RER1: variants seen among roughly 807,000 people sequenced by gnomAD.
The protein encoded by RER1 is protein RER1.
In RER1, 6 loss-of-function variants were observed where a neutral mutation model predicts 28.3. That is an observed-to-expected ratio of 0.21 (90% CI 0.12 to 0.42). RER1 has a LOEUF of 0.42. Among genes scored for constraint, RER1 ranks in the 10% least tolerant of loss-of-function variants. RER1 has a pLI of 1.00. For missense variants in RER1, 159 were observed against 252.9 expected (o/e 0.63, Z 2.52); for synonymous variants, 110 against 95.9 (o/e 1.15, Z -0.86).
intron 5 of RER1, chr1:2,401,869 C>T: frequency 1.5e-6 from 1 of 674,684 alleles, no homozygotes; most frequent in Non-Finnish European, 2.5e-6. Flanking sequence ...CCTGGATGGT[C>T]CACAAGACAC....
In RER1 at chr1:2,403,128, C is replaced by T. The variant is rs77184759; in HGVS notation, c.*4C>T. 2.7e-5 allele frequency: 44 copies of T among 1,611,810 alleles called. No individual in the cohort carries two copies. The African/African-American group carries it at 5.1e-4, about 19-fold the overall frequency. ...CGGCAAGGCCTTCGCCAGCTAGAAG[C>T]GGGACTGAGGCTGCCTCACGTGTTG... On this transcript the variant is annotated 3_prime_UTR_variant, in exon 7 of 7. Transcript: ENST00000605895.
rs562186385 is a variant in RER1 at position 2,399,060 on chromosome 1, C to T, written c.187-355C>T. 6.6e-5 allele frequency among the ~76,000 whole-genome samples: 10 copies of T among 152,292 alleles called. No homozygotes were observed. In the South Asian group the frequency reaches 2.1e-3, roughly 32 times the overall value. ...CGCTCAGGTGCCCGGGCCACCCGAGCCTGTGGTGTAGCTTGAGCATGTGCT... is the reference window on the plus strand; with the variant it reads ...CGCTCAGGTGCCCGGGCCACCCGAGTCTGTGGTGTAGCTTGAGCATGTGCT... On this transcript the variant is annotated intron_variant, in intron 3 of 6. Transcript: ENST00000605895.
At chr1:2,402,750 C>T (rs917695008) in intron 6 of RER1, among the ~76,000 whole-genome samples, 9 of 152,162 alleles carry the variant, frequency 5.9e-5, no homozygotes, top group Non-Finnish European at 1.2e-4. Context: ...ACTCTGTGCC[C>T]GGGGTGTTGG....
chr1:2,402,916 C>T (rs568690217), intron 6 of RER1, 119 bp from the exon 7 acceptor site: 15 of 789,968 alleles, frequency 1.9e-5, no homozygotes, highest in South Asian at 1.0e-4. Context: ...ACTGGGGCTC[C>T]GATTCCACTT....
rs72924936 is a variant in RER1, at chr1:2,404,303, C to T, written c.*1179C>T. ...CACGTTCAAGCTTGTGTGTCCCTGA[C>T]CCAAGATAGCCAGTGCTGCTCCCAG... On this transcript the variant is annotated 3_prime_UTR_variant, in exon 7 of 7. Coordinates refer to ENST00000605895, the MANE Select transcript of RER1 (RefSeq NM_007033.5). 1.3e-5 allele frequency: 2 copies of T among 152,392 alleles called. No homozygotes were observed. The highest frequency in any genetic ancestry group is 4.8e-5 in the African/African-American group (2 of 41,590). The allele number at this position is 152,392 out of a possible 1,614,324, so 9.4% of individuals were successfully genotyped here.
rs573515924 is a variant in RER1 at position 2,397,027 on chromosome 1, G to A, written c.82-89G>A. The A allele has an allele frequency of 7.5e-6, 6 of 797,034 alleles. No homozygotes were observed. In the East Asian group the frequency reaches 1.5e-4, roughly 20 times the overall value. The allele number at this position is 797,034 out of a possible 1,614,324, so 49.4% of individuals were successfully genotyped here. On this transcript the variant is annotated intron_variant, in intron 2 of 6. Transcript: ENST00000605895. Reference sequence around the variant, plus strand: ...CTTTTAGCTGTTTTAAAAATTGAAAGCCAACCCTAGCAGAAGGTACATTTT... The same window carrying A: ...CTTTTAGCTGTTTTAAAAATTGAAAACCAACCCTAGCAGAAGGTACATTTT...
chr1:2,404,859 T>C lies in RER1; in HGVS notation c.*1735T>C, dbSNP rs1295911248. The C allele has an allele frequency of 6.6e-6, 1 of 152,612 alleles. No individual in the cohort carries two copies. Among genetic ancestry groups the C allele is most frequent in the Non-Finnish European group, 1.5e-5 (1 of 68,066 alleles). 9.5% of individuals were successfully genotyped at this position (152,612 alleles called of 1,614,324 possible). ...TTTATTAAAGATGCCTACGGTGAAC[T>C]CTCTGGCGCAGGTTAAATGCAGTTT... On this transcript the variant is annotated 3_prime_UTR_variant, in exon 7 of 7. Transcript: ENST00000605895.
chr1:2,397,061 G>T (rs1455971751), intron 2 of RER1, 55 bp from the exon 3 acceptor site: 2 of 1,177,852 alleles, frequency 1.7e-6, no homozygotes, highest in African/African-American at 3.0e-5. Flanking sequence ...TTGTGGCAGG[G>T]TCAGTACAGA....
intron 1 of RER1, chr1:2,394,576 G>C (rs1642740248): frequency 1.3e-5 from 2 of 152,244 alleles, no homozygotes. Flanking sequence ...ATCTGTAAAT[G>C]AGAACAATAA....
chr1:2,399,202 C>T (rs1016290281), intron 3 of RER1, among the ~76,000 whole-genome samples: 1 of 152,210 alleles, frequency 6.6e-6, no homozygotes, highest in Non-Finnish European at 1.5e-5. Flanking sequence ...CTTGCTTGTC[C>T]GCTTTGTCTC....
chr1:2,401,901 C>G (rs1031245200), intron 5 of RER1: 4 of 859,204 alleles, frequency 4.7e-6, no homozygotes, highest in African/African-American at 1.7e-5. Flanking sequence ...CTCTCCAGAT[C>G]GCAGGCCCAG....
rs904646369 is a variant in RER1 at position 2,403,278 on chromosome 1, C to G, written c.*154C>G. The G allele has an allele frequency of 8.2e-6, 5 of 610,042 alleles. No homozygotes were observed. Among genetic ancestry groups the G allele is most frequent in the Non-Finnish European group, 1.5e-5 (5 of 338,812 alleles). 37.8% of individuals were successfully genotyped at this position (610,042 alleles called of 1,614,324 possible). Reference sequence around the variant, plus strand: ...TGATTTGTAACTGAAATATCAGGTTCTAGAAGAAACTGGCGCTTAAACCAA... The same window carrying G: ...TGATTTGTAACTGAAATATCAGGTTGTAGAAGAAACTGGCGCTTAAACCAA... On this transcript the variant is annotated 3_prime_UTR_variant, in exon 7 of 7. Coordinates refer to ENST00000605895, the MANE Select transcript of RER1 (RefSeq NM_007033.5).
chr1:2,396,516 T>C (rs1642769646), intron 2 of RER1: 1 of 152,384 alleles, frequency 6.6e-6, no homozygotes, highest in Non-Finnish European at 1.5e-5. Flanking sequence ...TTTTGTGAAT[T>C]TGGAAATTTC....
intron 5 of RER1, among the ~76,000 whole-genome samples, chr1:2,401,246 CCCTCCTTCCTCCCT>C (rs1642846595): frequency 1.2e-5 from 1 of 83,130 alleles, no homozygotes; most frequent in South Asian, 4.7e-4. Flanking sequence ...CCTCCTTCCT[CCCTCCTTCCTCCCT>C]CCTCCACCCT....
chr1:2,397,621 G>T (rs1642787894), intron 3 of RER1, among the ~76,000 whole-genome samples: 1 of 152,216 alleles, frequency 6.6e-6, no homozygotes, highest in Non-Finnish European at 1.5e-5. Context: ...GGCGTCCAAA[G>T]GGTTTATGTA....
intron 4 of RER1, 73 bp from the exon 5 acceptor site, chr1:2,400,784 C>A: frequency 7.8e-7 from 1 of 1,281,268 alleles, no homozygotes; most frequent in Non-Finnish European, 1.1e-6. Context: ...AGTCCAAAGC[C>A]TTGAGGGGAA....
Position 2,395,837 on chromosome 1 carries a change from C to T in RER1, c.47C>T (p.Ser16Leu), listed in dbSNP as rs746542852. The change falls in exon 2 of 7, where the codon TCG becomes TTG. Residue 16 changes from serine (S) to leucine (L), a missense_variant. Ser to Leu is a moderately radical substitution (Grantham distance 145, BLOSUM62 -2). Transcript: ENST00000605895. The part of the protein sequence containing the change: ...SVGESVHGKP[S>L]VVYRFFTRLG... ...GGAGAATCCGTCCATGGGAAACCTT[C>T]GGTGGTGTACAGATTTTTCACAAGA... 2.0e-5 allele frequency: 33 copies of T among 1,614,026 alleles called. No homozygotes were observed. Among genetic ancestry groups the T allele is most frequent in the Non-Finnish European group, 2.5e-5 (30 of 1,179,896 alleles).
chr1:2,399,366 C>A, intron 3 of RER1, 49 bp from the exon 4 acceptor site: 1 of 1,290,660 alleles, frequency 7.7e-7, no homozygotes, highest in Non-Finnish European at 1.1e-6. Flanking sequence ...CTGGCTCAGG[C>A]TGATGGACGG....
intron 5 of RER1, among the ~76,000 whole-genome samples, chr1:2,401,788 T>G (rs1444020761): frequency 6.6e-6 from 1 of 152,020 alleles, no homozygotes; most frequent in African/African-American, 2.4e-5. Flanking sequence ...TCCAGGGCCG[T>G]GGCATCTGTT....
Sources: allele counts gnomAD v4.1 joint callset (sites outside exome capture counted in the v4.1 genomes callset), GRCh38; gene constraint gnomAD v4.1.1; transcripts MANE v1.5; gene names NCBI Gene and HGNC (gene_info 2026-07-23, HGNC 2026-07-21).